Variants in TMEM132C observed in about 807,000 individuals in gnomAD.
TMEM132C encodes transmembrane protein 132C.
A neutral mutation model predicts 61.4 loss-of-function variants in TMEM132C; 29 were observed. The ratio of observed to expected loss-of-function variants is 0.47; its 90% CI spans 0.35 to 0.64. The LOEUF is 0.64. Among genes scored for constraint, TMEM132C ranks in the 30% least tolerant of loss-of-function variants. The pLI, the probability that TMEM132C is intolerant of heterozygous loss-of-function variation, is 0.00. For synonymous variants in TMEM132C, 656 were observed against 633.1 expected (o/e 1.04, Z -0.54); for missense variants, 1,408 against 1,476.9 (o/e 0.95, Z 0.76).
At chr12:128,372,010 C>T (rs984319719) in intron 1 of TMEM132C, among the ~76,000 whole-genome samples, 16 of 152,286 alleles carry the variant, frequency 1.1e-4, no homozygotes, top group East Asian at 9.6e-4. Flanking sequence ...TTCAGTCTTA[C>T]GATCTGCATC....
At chr12:128,419,420 C>A (rs991462187) in intron 2 of TMEM132C, among the ~76,000 whole-genome samples, 2 of 152,126 alleles carry the variant, frequency 1.3e-5, no homozygotes, top group African/African-American at 4.8e-5. Flanking sequence ...CAGCTGTGTA[C>A]AAGAGATGTA....
At chr12:128,601,850 G>C (rs1876205485) in intron 3 of TMEM132C, among the ~76,000 whole-genome samples, 1 of 152,178 alleles carries the variant, frequency 6.6e-6, no homozygotes. Context: ...CAGATCCTGA[G>C]GCCAGGCTCA....
intron 2 of TMEM132C, among the ~76,000 whole-genome samples, chr12:128,431,639 C>G (rs1021969149): frequency 2.0e-5 from 3 of 148,380 alleles, no homozygotes; most frequent in African/African-American, 7.4e-5. Context: ...ACTGCAACCT[C>G]TGCCTCTCGG....
chr12:128,300,440 G>A (rs1180535220), intron 1 of TMEM132C, among the ~76,000 whole-genome samples: 3 of 152,144 alleles, frequency 2.0e-5, no homozygotes, highest in Non-Finnish European at 2.9e-5. Flanking sequence ...GGTCTCTTCC[G>A]TGTGTCCTTG....
chr12:128,702,729 G>C (rs1169333836), intron 8 of TMEM132C, among the ~76,000 whole-genome samples: 1 of 152,212 alleles, frequency 6.6e-6, no homozygotes, highest in Non-Finnish European at 1.5e-5. Context: ...GTGGGCTTTT[G>C]GTTTTGAGTG....
Position 128,581,404 on chromosome 12 carries a change from G to A in TMEM132C, c.1122-34748G>A, listed in dbSNP as rs1452696561. On this transcript the variant is annotated intron_variant, in intron 3 of 8. Transcript: ENST00000435159. ...CCCCTTGCAGACTCCTGCTTCCACC[G>A]GAGGGGAGGGGAAACACCCTTTATT... Among the ~76,000 whole-genome samples the A allele has an allele frequency of 3.9e-5, 6 of 152,130 alleles. No individual in the cohort carries two copies. The South Asian group carries it at 6.2e-4, about 16-fold the overall frequency.
intron 4 of TMEM132C, among the ~76,000 whole-genome samples, chr12:128,635,462 C>CTTTTTTTTT (rs372811916): frequency 1.4e-4 from 18 of 130,424 alleles, no homozygotes; most frequent in African/African-American, 4.7e-4. Context: ...TGAGTTTTTT[C>CTTTTTTTTT]TTTTTTTTTT....
chr12:128,397,104 C>T (rs1210348668), intron 1 of TMEM132C, among the ~76,000 whole-genome samples: 1 of 152,192 alleles, frequency 6.6e-6, no homozygotes, highest in Non-Finnish European at 1.5e-5. Flanking sequence ...CTGGCAGCTA[C>T]TCCCCACAGC....
chr12:128,593,088 C>T (rs1053855507), intron 3 of TMEM132C, among the ~76,000 whole-genome samples: 2 of 151,332 alleles, frequency 1.3e-5, no homozygotes, highest in African/African-American at 4.9e-5. Flanking sequence ...TTCCTTCTCT[C>T]TTACCTCTCT....
At chr12:128,360,276 A>G (rs796200141) in intron 1 of TMEM132C, among the ~76,000 whole-genome samples, 2 of 133,872 alleles carry the variant, frequency 1.5e-5, no homozygotes, top group Non-Finnish European at 3.4e-5. Context: ...ACACACACAC[A>G]CACACCCCAG....
chr12:128,280,246 G>A (rs1160210064), intron 1 of TMEM132C, among the ~76,000 whole-genome samples: 2 of 152,186 alleles, frequency 1.3e-5, no homozygotes, highest in Non-Finnish European at 2.9e-5. Flanking sequence ...TCAATTTGAG[G>A]TGAGAGTGCT....
intron 3 of TMEM132C, among the ~76,000 whole-genome samples, chr12:128,555,649 G>A (rs1195485159): frequency 6.6e-6 from 1 of 152,124 alleles, no homozygotes; most frequent in East Asian, 1.9e-4. Context: ...GGACTCCATA[G>A]GGGTTTGTGG....
At chr12:128,297,342 C>T (rs531633674) in intron 1 of TMEM132C, among the ~76,000 whole-genome samples, 31 of 152,266 alleles carry the variant, frequency 2.0e-4, no homozygotes, top group Non-Finnish European at 3.2e-4. Flanking sequence ...GAATATTGTA[C>T]GTTTGTAAAC....
At chr12:128,271,826 AAC>A (rs1870532146) in intron 1 of TMEM132C, among the ~76,000 whole-genome samples, 1 of 152,246 alleles carries the variant, frequency 6.6e-6, no homozygotes, top group South Asian at 2.1e-4. Context: ...ATTAGTAGTT[AAC>A]ACCTCCATGA....
chr12:128,450,805 TG>T (rs1293978218), intron 2 of TMEM132C, among the ~76,000 whole-genome samples: 3 of 152,234 alleles, frequency 2.0e-5, no homozygotes, highest in African/African-American at 7.2e-5. Context: ...CTGCTGTGGA[TG>T]CTGGCACCCT....
intron 4 of TMEM132C, among the ~76,000 whole-genome samples, chr12:128,639,028 G>A (rs939772247): frequency 1.1e-4 from 5 of 46,860 alleles, no homozygotes; most frequent in Non-Finnish European, 2.5e-4. Context: ...GATGGTGATG[G>A]TGGTGATGAT....
chr12:128,472,177 TG>T (rs905318545), intron 2 of TMEM132C, among the ~76,000 whole-genome samples: 4 of 152,174 alleles, frequency 2.6e-5, no homozygotes, highest in African/African-American at 7.2e-5. Context: ...TGCAAACTTC[TG>T]GGCTACATAA....
At chr12:128,336,513 G>T (rs938774226) in intron 1 of TMEM132C, among the ~76,000 whole-genome samples, 1 of 152,176 alleles carries the variant, frequency 6.6e-6, no homozygotes, top group African/African-American at 2.4e-5. Flanking sequence ...CTTTTGAAAG[G>T]TTGAGAAGTC....
intron 3 of TMEM132C, among the ~76,000 whole-genome samples, chr12:128,601,477 A>G (rs763378140): frequency 1.5e-4 from 23 of 152,212 alleles, no homozygotes; most frequent in Non-Finnish European, 2.6e-4. Context: ...AAGGAGGAGG[A>G]AGATGGTGAA....
Sources: allele counts gnomAD v4.1 joint callset (sites outside exome capture counted in the v4.1 genomes callset), GRCh38; gene constraint gnomAD v4.1.1; transcripts MANE v1.5; gene names NCBI Gene and HGNC (gene_info 2026-07-23, HGNC 2026-07-21).